ASPM: variants seen among roughly 807,000 people sequenced by gnomAD.
ASPM encodes the protein abnormal spindle-like microcephaly-associated protein.
Under a neutral mutation model 366.4 loss-of-function variants are expected in ASPM, and 256 were observed. The ratio of observed to expected loss-of-function variants is 0.70; its 90% CI spans 0.63 to 0.77. The LOEUF (loss-of-function observed/expected upper bound fraction) is 0.77, where lower values mean the gene tolerates loss of function less well. ASPM is among the 30% of genes least tolerant of loss of function. The pLI is 0.00. For synonymous variants in ASPM, 1,414 were observed against 1,342.9 expected (o/e 1.05, Z -1.16); for missense variants, 4,146 against 4,090.4 (o/e 1.01, Z -0.37).
chr1:197,129,365 G>C, intron 8 of ASPM, 48 bp from the exon 9 acceptor site: 1 of 1,574,668 alleles, frequency 6.4e-7, no homozygotes, highest in Non-Finnish European at 8.7e-7. Context: ...ATGAAAGGTA[G>C]GTTTCATCTT....
chr1:197,128,371 T>G (rs984652951), intron 10 of ASPM, 119 bp downstream of exon 10: 2 of 1,066,552 alleles, frequency 1.9e-6, no homozygotes, highest in African/African-American at 3.3e-5. Flanking sequence ...TCAATTTTTT[T>G]CAGTACTAAA....
chr1:197,091,318 T>G (rs1656780726), intron 22 of ASPM, among the ~76,000 whole-genome samples: 2 of 152,048 alleles, frequency 1.3e-5, no homozygotes. Context: ...CCAAACTGCA[T>G]GTATCATTCT....
chr1:197,087,336 A>G (rs1017290637), intron 26 of ASPM, among the ~76,000 whole-genome samples: 28 of 152,126 alleles, frequency 1.8e-4, no homozygotes, highest in Non-Finnish European at 3.4e-4. Flanking sequence ...TCAGCCTCCC[A>G]AAGTGCTGGG....
At chr1:197,132,110 T>C (rs1658273065) in intron 7 of ASPM, among the ~76,000 whole-genome samples, 175 bp downstream of exon 7, 1 of 152,162 alleles carries the variant, frequency 6.6e-6, no homozygotes, top group Admixed American at 6.5e-5. Context: ...GCATAGTCTA[T>C]TTACCTAATA....
chr1:197,100,442 T>G lies in ASPM; in HGVS notation c.8809A>C (p.Ile2937Leu), dbSNP rs1453244988. 2.0e-6 allele frequency: 3 copies of G among 1,538,008 alleles called. No homozygotes were observed. The highest frequency in any genetic ancestry group is 2.6e-6 in the Non-Finnish European group (3 of 1,136,138). Residue 2937 changes from isoleucine (I) to leucine (L), a missense_variant, in exon 18 of 28, where the codon ATA becomes CTA. Ile to Leu is a conservative substitution (Grantham distance 5). This residue lies in a region of ASPM where 3,624 missense variants were observed against 3,591.7 expected (regional missense o/e 1.01). Coordinates refer to ENST00000367409, the MANE Select transcript of ASPM (RefSeq NM_018136.5). ...RKFQEIKNST[I>L]KIQAMWRRYR... ...AAATATAGAAATACCTGAATTTTTA[T>G]GGTGCTATTTTTAATTTCCTGAAAC...
chr1:197,096,075 T>C lies in ASPM; in HGVS notation c.8910A>G (p.Ala2970=). 2.5e-6 allele frequency: 4 copies of C among 1,609,240 alleles called. No homozygotes were observed. The highest frequency in any genetic ancestry group is 3.4e-6 in the Non-Finnish European group (4 of 1,176,228). The stretch of plus-strand genomic sequence containing the variant: ...TTAATATAGCTAGATATTCTTTGTG[T>C]GCTCTCCAACATCTATACCAGGCTT... ...KIQAWYRCWR[A]HKEYLAILKA... Residue 2970 remains alanine (A), a synonymous_variant, in exon 19 of 28, where the codon GCA becomes GCG. Transcript: ENST00000367409.
Position 197,143,554 on chromosome 1 carries a change from C to T in ASPM, c.698G>A (p.Gly233Asp), listed in dbSNP as rs758801375. Reference sequence around the variant, plus strand: ...TACAGAGAGTGGCAAGCAAGTTGCACCATGGCATTCATTGAAAGCAGGGCT... The same window carrying T: ...TACAGAGAGTGGCAAGCAAGTTGCATCATGGCATTCATTGAAAGCAGGGCT... ...PISPAFNECHGATCLPLSVRR... is the reference protein window; with the variant it reads ...PISPAFNECHDATCLPLSVRR... Residue 233 changes from glycine (G) to aspartate (D), a missense_variant, in exon 3 of 28, where the codon GGT becomes GAT. Gly to Asp is a moderately conservative substitution (Grantham distance 94). This residue lies in a region of ASPM where 512 missense variants were observed against 471.7 expected (regional missense o/e 1.09). Transcript: ENST00000367409. 1 of 1,613,694 alleles carries T rather than the reference C, an allele frequency of 6.2e-7. No homozygotes were observed. Among genetic ancestry groups the T allele is most frequent in the Non-Finnish European group, 8.5e-7 (1 of 1,179,924 alleles).
intron 17 of ASPM, among the ~76,000 whole-genome samples, chr1:197,115,846 T>A (rs1363346029): frequency 6.6e-6 from 1 of 152,216 alleles, no homozygotes; most frequent in Non-Finnish European, 1.5e-5. Flanking sequence ...AGAGTATATT[T>A]AGCATAATTC....
rs1657161383 is a variant in ASPM at position 197,101,226 on chromosome 1, A to G, written c.8025T>C (p.Tyr2675=). The G allele has an allele frequency of 1.9e-6, 3 of 1,612,152 alleles. No homozygotes were observed. The highest frequency in any genetic ancestry group is 2.5e-6 in the Non-Finnish European group (3 of 1,179,060). Reference sequence around the variant, plus strand: ...CCTTTCGTACTTTAAAGCCTCTGTAATAAGACTGTATACAAATAACTGCTT... The same window carrying G: ...CCTTTCGTACTTTAAAGCCTCTGTAGTAAGACTGTATACAAATAACTGCTT... ...RTQAVICIQS[Y]YRGFKVRKDI... Residue 2675 remains tyrosine (Y), a synonymous_variant, in exon 18 of 28, where the codon TAT becomes TAC. Coordinates refer to ENST00000367409, the MANE Select transcript of ASPM (RefSeq NM_018136.5).
rs1416290103 is a variant in ASPM at position 197,096,183 on chromosome 1, T to C, written c.8821-19A>G. The C allele has an allele frequency of 5.8e-6, 9 of 1,561,354 alleles. No individual in the cohort carries two copies. Among genetic ancestry groups the C allele is most frequent in the South Asian group, 1.1e-5 (1 of 89,956 alleles). On this transcript the variant is annotated intron_variant, in intron 18 of 27. Transcript: ENST00000367409. ...ACATAGCCTATTAAATACATAAATA[T>C]AACAAGTATGCAATGAGTTGTCTCT...
At chr1:197,105,310 A>G (rs1657377725) in intron 17 of ASPM, 125 bp from the exon 18 acceptor site, 13 of 789,506 alleles carry the variant, frequency 1.6e-5, no homozygotes, top group Non-Finnish European at 2.0e-5. Flanking sequence ...AAAACTAATT[A>G]TTTTTGTGAG....
At chr1:197,136,855 C>A (rs555881605) in intron 4 of ASPM, among the ~76,000 whole-genome samples, 1 of 152,072 alleles carries the variant, frequency 6.6e-6, no homozygotes, top group East Asian at 1.9e-4. Flanking sequence ...ATATGGGAAA[C>A]AAACACTAAT....
intron 25 of ASPM, 57 bp from the exon 26 acceptor site, chr1:197,088,489 AC>A: frequency 6.7e-7 from 1 of 1,501,888 alleles, no homozygotes; most frequent in Non-Finnish European, 9.1e-7. Flanking sequence ...TTTACAAACA[AC>A]CCAACCAAAA....
chr1:197,105,677 A>G (rs1036843721), intron 17 of ASPM, among the ~76,000 whole-genome samples: 49 of 152,088 alleles, frequency 3.2e-4, no homozygotes, highest in African/African-American at 1.1e-3. Context: ...TTAGGAATAA[A>G]TAAACCAGAT....
intron 16 of ASPM, among the ~76,000 whole-genome samples, chr1:197,121,329 G>A (rs2125103857): frequency 6.6e-6 from 1 of 151,968 alleles, no homozygotes; most frequent in South Asian, 2.1e-4. Flanking sequence ...GGTCACAAAG[G>A]GAAACAATAA....
chr1:197,127,199 TTAAAA>T, intron 10 of ASPM, among the ~76,000 whole-genome samples: 1 of 152,278 alleles, frequency 6.6e-6, no homozygotes, highest in African/African-American at 2.4e-5. Context: ...AACAAAGAAA[TTAAAA>T]AGTATATCCA....
intron 13 of ASPM, among the ~76,000 whole-genome samples, chr1:197,123,295 A>G (rs970463801): frequency 2.0e-4 from 30 of 152,196 alleles, no homozygotes; most frequent in African/African-American, 7.2e-4. Flanking sequence ...TGTTTACAGT[A>G]TAAGAGCTGA....
chr1:197,145,143 CT>C (rs1658726962), intron 1 of ASPM, among the ~76,000 whole-genome samples: 1 of 152,116 alleles, frequency 6.6e-6, no homozygotes, highest in South Asian at 2.1e-4. Context: ...ATTAGAATCT[CT>C]TTTTTCTGCC....
In ASPM at chr1:197,146,372, C is replaced by G; in HGVS notation, c.66G>C (p.Ala22=). The change falls in exon 1 of 28, where the codon GCG becomes GCC. Residue 22 remains alanine, a synonymous_variant. Coordinates refer to ENST00000367409, the MANE Select transcript of ASPM (RefSeq NM_018136.5). The part of the protein sequence containing the change: ...EVSPTERRPP[A]GLRGPAAEEE... Reference sequence around the variant, plus strand: ...CCTCGGCCGCGGGGCCCCGCAGCCCCGCGGGCGGCCTCCGCTCGGTCGGGC... The same window carrying G: ...CCTCGGCCGCGGGGCCCCGCAGCCCGGCGGGCGGCCTCCGCTCGGTCGGGC... 2 of 1,607,904 alleles carry G rather than the reference C, an allele frequency of 1.2e-6. No individual in the cohort carries two copies. The highest frequency in any genetic ancestry group is 1.7e-6 in the Non-Finnish European group (2 of 1,178,448).
Sources: allele counts gnomAD v4.1 joint callset (sites outside exome capture counted in the v4.1 genomes callset), GRCh38; gene constraint gnomAD v4.1.1; regional missense constraint gnomAD v4.1.1; transcripts MANE v1.5; gene names NCBI Gene and HGNC (gene_info 2026-07-23, HGNC 2026-07-21).